Variants in KIF13A observed in about 807,000 individuals in gnomAD.
KIF13A encodes kinesin family member 13A, also known as kinesin-like protein KIF13A.
KIF13A carries 79 observed loss-of-function variants against 212.2 expected under a neutral mutation model. The observed-to-expected ratio is 0.37, with a 90% CI of 0.31 to 0.45. KIF13A has a LOEUF of 0.45. Ranked by LOEUF, KIF13A falls within the 20% of genes least tolerant of loss-of-function variation. The probability of loss-of-function intolerance (pLI) is 1.00; values close to 1 mark genes in which losing one functional copy is unlikely to be tolerated. For missense variants in KIF13A, 1,901 were observed against 2,209.0 expected (o/e 0.86, Z 2.79); for synonymous variants, 789 against 808.6 (o/e 0.98, Z 0.41).
rs1761902009 is a variant in KIF13A, at chr6:17,794,923, T to C, written c.2943-219A>G. On this transcript the variant is annotated intron_variant, in intron 23 of 38. Transcript: ENST00000259711. This position sits in a 1 kb window ranked among gnomAD's most constrained non-coding sequence, Gnocchi z 4.1. ...GACTGAAATGTCCACATCTTGAGTA[T>C]AGAGCTCGATGAGTTTTGAGAAATG... 1 of 502,112 alleles carries C rather than the reference T, an allele frequency of 2.0e-6. No individual in the cohort carries two copies. The highest frequency in any genetic ancestry group is 1.9e-5 in the African/African-American group (1 of 51,504). The allele number at this position is 502,112 out of a possible 1,614,324, so 31.1% of individuals were successfully genotyped here.
downstream of KIF13A, chr6:17,760,114 G>C (rs192785343): frequency 6.6e-6 from 1 of 152,320 alleles, no homozygotes; most frequent in East Asian, 1.9e-4. Flanking sequence ...ATGGCAGCAC[G>C]TGGCTTGGTA....
intron 2 of KIF13A, among the ~76,000 whole-genome samples, chr6:17,948,920 G>A (rs889557663): frequency 1.3e-5 from 2 of 151,750 alleles, no homozygotes; most frequent in African/African-American, 4.8e-5. Flanking sequence ...ATGCAATAGC[G>A]AGTGAGCATA....
chr6:17,864,680 AGAGAT>A (rs1382369557), intron 4 of KIF13A, among the ~76,000 whole-genome samples: 1 of 152,126 alleles, frequency 6.6e-6, no homozygotes, highest in Non-Finnish European at 1.5e-5. Context: ...ATTTTTTAGT[AGAGAT>A]AAGATCTTGC....
At chr6:17,962,598 A>G (rs1037009921) in intron 2 of KIF13A, among the ~76,000 whole-genome samples, 3 of 152,180 alleles carry the variant, frequency 2.0e-5, no homozygotes, top group Non-Finnish European at 4.4e-5. Flanking sequence ...CCCTGCCCTC[A>G]GGAACAGCTG....
chr6:17,970,950 A>C (rs1246309850), intron 2 of KIF13A, among the ~76,000 whole-genome samples: 1 of 152,084 alleles, frequency 6.6e-6, no homozygotes, highest in Non-Finnish European at 1.5e-5. Flanking sequence ...TGCAGCTCAG[A>C]GACAAAGTAA....
chr6:17,880,443 A>G lies in KIF13A; in HGVS notation c.160-7006T>C, dbSNP rs147574762. Among the ~76,000 whole-genome samples, 846 of 152,074 alleles carry G rather than the reference A, an allele frequency of 5.6e-3. 13 individuals are homozygous for G. Among genetic ancestry groups the G allele is most frequent in the African/African-American group, 0.019 (784 of 41,478 alleles). ...GGAGTTCAAGAGCAGCCTGACCAACATGGTGAAACCCCATCTCTACTAAAG... is the reference window on the plus strand; with the variant it reads ...GGAGTTCAAGAGCAGCCTGACCAACGTGGTGAAACCCCATCTCTACTAAAG... On this transcript the variant is annotated intron_variant, in intron 3 of 38. Coordinates refer to ENST00000259711, the MANE Select transcript of KIF13A (RefSeq NM_022113.6).
chr6:17,760,743 G>A, downstream of KIF13A: 1 of 1,085,902 alleles, frequency 9.2e-7, no homozygotes, highest in Non-Finnish European at 1.4e-6. Context: ...CCAGCTTCTG[G>A]TCTGAGGTCC....
intron 4 of KIF13A, among the ~76,000 whole-genome samples, chr6:17,865,209 C>T (rs1381889738): frequency 6.6e-6 from 1 of 152,068 alleles, no homozygotes; most frequent in Non-Finnish European, 1.5e-5. Context: ...AAAGTAACTA[C>T]ATAGAAAAGC....
At chr6:17,873,272 T>C in intron 4 of KIF13A, 105 bp downstream of exon 4, 8 of 740,394 alleles carry the variant, frequency 1.1e-5, no homozygotes, top group South Asian at 1.8e-5. Context: ...AGAACAGGTG[T>C]GAATTACACA....
rs758226439 is a variant in KIF13A, at chr6:17,764,577, CTT to C, written c.4949_4950del (p.Lys1650ArgfsTer37). 6.8e-6 allele frequency: 11 copies of C among 1,613,938 alleles called. No individual in the cohort carries two copies. Among genetic ancestry groups the C allele is most frequent in the East Asian group, 2.2e-5 (1 of 44,870 alleles). ...LVHDFRPSSN[K>X]ELTEVEKGLV... is the part of the protein sequence containing the mutation. ...AAGCCTTTTTCGACTTCTGTCAACT[CTT>C]TGTTTGAGGACGGCCTGAAATCATG... On this transcript the variant is annotated frameshift_variant, in exon 39 of 39. Coordinates refer to ENST00000259711, the MANE Select transcript of KIF13A (RefSeq NM_022113.6). LOFTEE classifies it low-confidence loss of function (END_TRUNC). This position sits in a 1 kb window ranked among gnomAD's most constrained non-coding sequence, Gnocchi z 5.1.
chr6:17,804,580 A>G, intron 19 of KIF13A, 70 bp from the exon 20 acceptor site: 1 of 1,336,938 alleles, frequency 7.5e-7, no homozygotes, highest in Non-Finnish European at 1.0e-6. Flanking sequence ...ATATTATTTA[A>G]AACTAGCATT....
In KIF13A at chr6:17,789,629, A is replaced by G. The variant is rs1761362611; in HGVS notation, c.3261+243T>C. ...ACAGTGATAATGGTCTTGCTTAGCA[A>G]TAAGCCAGTAAATCGAGATGGCATA... is the stretch of plus-strand genomic sequence containing the variant. On this transcript the variant is annotated intron_variant, in intron 26 of 38. Coordinates refer to ENST00000259711, the MANE Select transcript of KIF13A (RefSeq NM_022113.6). This position sits in a 1 kb window ranked among gnomAD's most constrained non-coding sequence, Gnocchi z 4.8. Among the ~76,000 whole-genome samples the G allele has an allele frequency of 6.6e-6, 1 of 152,324 alleles. No individual in the cohort carries two copies. The highest frequency in any genetic ancestry group is 2.4e-5 in the African/African-American group (1 of 41,580).
intron 29 of KIF13A, among the ~76,000 whole-genome samples, chr6:17,781,623 G>GTTT (rs776138365): frequency 0.013 from 1,429 of 107,018 alleles, 29 homozygotes; most frequent in Middle Eastern, 0.019. Context: ...CTGTACTTGG[G>GTTT]TTTTTTTTTT....
intron 3 of KIF13A, among the ~76,000 whole-genome samples, chr6:17,896,163 G>A (rs1772545041): frequency 6.6e-6 from 1 of 152,088 alleles, no homozygotes; most frequent in East Asian, 1.9e-4. Context: ...TTTTCTAACT[G>A]CGTTTGGTTG....
chr6:17,958,560 G>A (rs754244422), intron 2 of KIF13A, among the ~76,000 whole-genome samples: 1 of 152,162 alleles, frequency 6.6e-6, no homozygotes, highest in Admixed American at 6.5e-5. Context: ...ATGTAGTACA[G>A]CTGTTATTTG....
At chr6:17,882,093 C>T (rs565978476) in intron 3 of KIF13A, 20 of 456,644 alleles carry the variant, frequency 4.4e-5, no homozygotes, top group Middle Eastern at 3.3e-4. Flanking sequence ...TTTTCTGATC[C>T]ATAAAAACGA....
At position 17,826,032 on chromosome 6, in the gene KIF13A, T is replaced by A; in HGVS notation, c.1619+6A>T. 1 of 1,613,308 alleles carries A rather than the reference T, an allele frequency of 6.2e-7. No individual in the cohort carries two copies. The highest frequency in any genetic ancestry group is 1.1e-5 in the South Asian group (1 of 91,072). On this transcript the variant is annotated splice_donor_region_variant and intron_variant, in intron 15 of 38. Coordinates refer to ENST00000259711, the MANE Select transcript of KIF13A (RefSeq NM_022113.6). This position sits in a 1 kb window ranked among gnomAD's most constrained non-coding sequence, Gnocchi z 4.7. ...GAAAATATATTACAGAACACAAAGA[T>A]GTTACCTAAAAAAGTGATTATTTCC...
Position 17,930,196 on chromosome 6 carries a change from G to A in KIF13A, c.147-32016C>T, listed in dbSNP as rs116575098. Among the ~76,000 whole-genome samples, 1,095 of 152,240 alleles carry A rather than the reference G, an allele frequency of 7.2e-3. 9 individuals are homozygous for A. Among genetic ancestry groups the A allele is most frequent in the African/African-American group, 0.025 (1,033 of 41,548 alleles). On this transcript the variant is annotated intron_variant, in intron 2 of 38. Coordinates refer to ENST00000259711, the MANE Select transcript of KIF13A (RefSeq NM_022113.6). Reference sequence around the variant, plus strand: ...CATTACCCCTTTCCTGGAAAAAAAAGAAGCACAATTTATTTTGAAACTTTC... The same window carrying A: ...CATTACCCCTTTCCTGGAAAAAAAAAAAGCACAATTTATTTTGAAACTTTC...
At chr6:17,937,935 G>C (rs528545616) in intron 2 of KIF13A, among the ~76,000 whole-genome samples, 16 of 152,230 alleles carry the variant, frequency 1.1e-4, no homozygotes, top group Admixed American at 7.8e-4. Flanking sequence ...TTTTAGTAGA[G>C]ATGAAGTTTC....
Sources: gnomAD v4.1 joint callset for allele counts (sites outside exome capture counted in the v4.1 genomes callset) on GRCh38, gnomAD v4.1.1 for gene constraint, Gnocchi (gnomAD v3.1) non-coding constraint, MANE v1.5 for transcripts, NCBI Gene and HGNC (gene_info 2026-07-23, HGNC 2026-07-21) for gene names.